Variants in LRRC4C observed in about 807,000 individuals in gnomAD.
LRRC4C encodes the protein leucine rich repeat containing 4C, also known as leucine-rich repeat-containing protein 4C.
Under a neutral mutation model 33.6 loss-of-function variants are expected in LRRC4C, and 5 were observed. That is an observed-to-expected ratio of 0.15 (90% CI 0.08 to 0.31). The LOEUF (loss-of-function observed/expected upper bound fraction) is 0.31. Among genes scored for constraint, LRRC4C ranks in the 10% least tolerant of loss-of-function variants. LRRC4C has a pLI of 1.00. For synonymous variants in LRRC4C, 329 were observed against 302.0 expected, an observed-to-expected ratio of 1.09 and a Z score of -0.93; for missense variants, 560 against 796.7, an observed-to-expected ratio of 0.70 and a Z score of 3.58.
chr11:41,094,250 T>C (rs1320743863), intron 1 of LRRC4C, among the ~76,000 whole-genome samples: 1 of 152,028 alleles, frequency 6.6e-6, no homozygotes, highest in Admixed American at 6.6e-5. Context: ...TGCTGTTAGC[T>C]GTGACTAGAA....
At chr11:40,889,608 T>G (rs530948828) in intron 2 of LRRC4C, among the ~76,000 whole-genome samples, 1 of 152,250 alleles carries the variant, frequency 6.6e-6, no homozygotes, top group African/African-American at 2.4e-5. Context: ...GTAGTTCCAG[T>G]GTATGTGATT....
chr11:40,459,416 T>C (rs944166252), intron 3 of LRRC4C, among the ~76,000 whole-genome samples: 2 of 130,886 alleles, frequency 1.5e-5, no homozygotes, highest in Non-Finnish European at 3.4e-5. Flanking sequence ...GGTGCCCATC[T>C]CAGTCAGAGG....
intron 2 of LRRC4C, among the ~76,000 whole-genome samples, chr11:40,681,672 G>T (rs1378820978): frequency 7.1e-6 from 1 of 141,784 alleles, no homozygotes; most frequent in Non-Finnish European, 1.5e-5. Flanking sequence ...AGCTGAGGCA[G>T]GTGGACCCCT....
intron 2 of LRRC4C, among the ~76,000 whole-genome samples, chr11:40,782,861 C>T (rs759132678): frequency 1.3e-5 from 2 of 151,986 alleles, no homozygotes; most frequent in South Asian, 2.1e-4. Context: ...GATGTACACA[C>T]ATGTGTATAC....
intron 1 of LRRC4C, among the ~76,000 whole-genome samples, chr11:41,130,273 T>C (rs1396301440): frequency 2.0e-5 from 3 of 152,022 alleles, no homozygotes. Flanking sequence ...CTTAAAAGTA[T>C]CCATTTCTGT....
intron 1 of LRRC4C, among the ~76,000 whole-genome samples, chr11:41,024,934 A>G (rs1856238255): frequency 6.6e-6 from 1 of 151,392 alleles, no homozygotes; most frequent in South Asian, 2.1e-4. Flanking sequence ...CATTGTTATT[A>G]TATCTGTTAT....
intron 2 of LRRC4C, among the ~76,000 whole-genome samples, chr11:40,742,905 G>A (rs1215600538): frequency 1.3e-5 from 2 of 151,998 alleles, no homozygotes; most frequent in Admixed American, 6.6e-5. Context: ...ACTCCTGCCT[G>A]TCACCAGTAG....
At chr11:41,062,032 C>A (rs1937811669) in intron 1 of LRRC4C, among the ~76,000 whole-genome samples, 1 of 152,172 alleles carries the variant, frequency 6.6e-6, no homozygotes, top group Non-Finnish European at 1.5e-5. Context: ...GCTACATCTC[C>A]TGTACTTAGA....
chr11:40,527,323 G>A (rs542533173), intron 3 of LRRC4C, among the ~76,000 whole-genome samples: 3 of 152,214 alleles, frequency 2.0e-5, no homozygotes, highest in African/African-American at 4.8e-5. Flanking sequence ...GAAAGAGGAG[G>A]TAGACAAAAC....
chr11:40,815,546 T>C (rs1159761101), intron 2 of LRRC4C, among the ~76,000 whole-genome samples: 1 of 152,234 alleles, frequency 6.6e-6, no homozygotes, highest in Non-Finnish European at 1.5e-5. Context: ...GAGCCCTGAT[T>C]GCTCTCCATG....
chr11:41,227,921 T>G (rs376681401), intron 1 of LRRC4C, among the ~76,000 whole-genome samples: 1 of 152,064 alleles, frequency 6.6e-6, no homozygotes, highest in South Asian at 2.1e-4. Context: ...TGGACATTTA[T>G]ACATTTTTAA....
chr11:40,451,975 G>T (rs1012524292), intron 3 of LRRC4C, among the ~76,000 whole-genome samples: 1 of 152,068 alleles, frequency 6.6e-6, no homozygotes. Context: ...GAGCTTGAGC[G>T]TGAGCCAAAG....
intron 1 of LRRC4C, among the ~76,000 whole-genome samples, chr11:41,238,767 T>C (rs1178224393): frequency 6.6e-6 from 1 of 152,114 alleles, no homozygotes; most frequent in African/African-American, 2.4e-5. Context: ...TATATAAAGA[T>C]CCAGTGTCAG....
At chr11:41,390,537 T>C (rs988124662) in intron 1 of LRRC4C, among the ~76,000 whole-genome samples, 2 of 151,916 alleles carry the variant, frequency 1.3e-5, no homozygotes, top group African/African-American at 4.8e-5. Context: ...AAACCCTTTG[T>C]GTTCTATGAC....
intron 2 of LRRC4C, among the ~76,000 whole-genome samples, chr11:40,860,509 C>G (rs1954033914): frequency 6.6e-6 from 1 of 152,082 alleles, no homozygotes; most frequent in African/African-American, 2.4e-5. Flanking sequence ...TCCTTGCCTT[C>G]TAGTCTCTGC....
chr11:41,294,779 G>A (rs1950091126), intron 1 of LRRC4C, among the ~76,000 whole-genome samples: 1 of 152,104 alleles, frequency 6.6e-6, no homozygotes, highest in Admixed American at 6.5e-5. Context: ...CAGGAAAAGG[G>A]AATTAACAAG....
chr11:40,753,719 C>G (rs543975834), intron 2 of LRRC4C, among the ~76,000 whole-genome samples: 3 of 151,776 alleles, frequency 2.0e-5, no homozygotes, highest in Non-Finnish European at 4.4e-5. Flanking sequence ...TTCTAAAGTG[C>G]GTCATATTCT....
chr11:41,025,724 G>T (rs1856298133), intron 1 of LRRC4C, among the ~76,000 whole-genome samples: 1 of 151,672 alleles, frequency 6.6e-6, no homozygotes, highest in Non-Finnish European at 1.5e-5. Context: ...CCAAACAACA[G>T]ACATTTCGTG....
At chr11:40,523,472 G>A (rs1434444870) in intron 3 of LRRC4C, among the ~76,000 whole-genome samples, 2 of 150,552 alleles carry the variant, frequency 1.3e-5, no homozygotes, top group African/African-American at 4.9e-5. Flanking sequence ...CCATCCTGCA[G>A]TCTTACTGAT....
Sources: allele counts gnomAD v4.1 joint callset (sites outside exome capture counted in the v4.1 genomes callset), GRCh38; gene constraint gnomAD v4.1.1; transcripts MANE v1.5; gene names NCBI Gene and HGNC (gene_info 2026-07-23, HGNC 2026-07-21).